Variants in KIRREL3 observed in about 807,000 individuals in gnomAD.
KIRREL3 encodes kin of IRRE-like protein 3.
KIRREL3 carries 36 observed loss-of-function variants against 89.7 expected under a neutral mutation model. That is an observed-to-expected ratio of 0.40 (90% CI 0.31 to 0.53). KIRREL3 has a LOEUF of 0.53. KIRREL3 is among the 20% of genes least tolerant of loss of function. The pLI is 0.49. For missense variants in KIRREL3, 864 were observed against 1,056.6 expected, an observed-to-expected ratio of 0.82 and a Z score of 2.53; for synonymous variants, 445 against 441.4, an observed-to-expected ratio of 1.01 and a Z score of -0.10.
rs1958546207 is a variant in KIRREL3, at chr11:126,520,358, C to A, written c.433+957G>T. Reference sequence around the variant, plus strand: ...GGGGGCAGCGAGGTGGGGCAGGTAGCCCTGGAGCCCTGGCCAGGAGCCCAT... The same window carrying A: ...GGGGGCAGCGAGGTGGGGCAGGTAGACCTGGAGCCCTGGCCAGGAGCCCAT... On this transcript the variant is annotated intron_variant, in intron 4 of 16. Coordinates refer to ENST00000525144, the MANE Select transcript of KIRREL3 (RefSeq NM_032531.4). This position sits in a 1 kb window ranked among gnomAD's most constrained non-coding sequence, Gnocchi z 4.9. Among the ~76,000 whole-genome samples, 1 of 152,142 alleles carries A rather than the reference C, an allele frequency of 6.6e-6. No individual in the cohort carries two copies. The highest frequency in any genetic ancestry group is 1.5e-5 in the Non-Finnish European group (1 of 68,028).
chr11:126,854,691 C>T (rs746460392), intron 1 of KIRREL3, among the ~76,000 whole-genome samples: 1 of 152,164 alleles, frequency 6.6e-6, no homozygotes, highest in Admixed American at 6.5e-5. Context: ...CACGGATGTA[C>T]GAACATCTGT....
rs201000548 is a variant in KIRREL3 at position 126,921,747 on chromosome 11, TTCTATCTATCTATCTATCTATCTA to T, written c.55+78684_55+78707del. On this transcript the variant is annotated intron_variant, in intron 1 of 16. Transcript: ENST00000525144. Reference sequence around the variant, plus strand: ...ATCTATCAATCTATCTATATCTGTCTTCTATCTATCTATCTATCTATCTATCTATCTATCTATCTATCTATCTTC... The same window carrying T: ...ATCTATCAATCTATCTATATCTGTCTTCTATCTATCTATCTATCTATCTTC... Among the ~76,000 whole-genome samples the T allele has an allele frequency of 4.0e-3, 538 of 134,984 alleles. 2 individuals carry two copies. Among genetic ancestry groups the T allele is most frequent in the African/African-American group, 0.014 (498 of 36,488 alleles). The allele number at this position is 134,984 out of a possible 152,430, so 88.6% of individuals were successfully genotyped here.
intron 1 of KIRREL3, among the ~76,000 whole-genome samples, chr11:126,829,251 T>C (rs538884765): frequency 6.6e-6 from 1 of 152,298 alleles, no homozygotes; most frequent in East Asian, 1.9e-4. Flanking sequence ...CAACAGGATC[T>C]GTCACGGGTG....
intron 5 of KIRREL3, among the ~76,000 whole-genome samples, chr11:126,472,729 A>AGAGAGAGAGAGAGAGAGC (rs1297311492): frequency 6.6e-6 from 1 of 151,680 alleles, no homozygotes; most frequent in Non-Finnish European, 1.5e-5. Flanking sequence ...AGAGAGAGAG[A>AGAGAGAGAGAGAGAGAGC]GAGCACAAGT....
rs10893548 is a variant in KIRREL3 at position 126,635,314 on chromosome 11, C to T, written c.56-72402G>A. Among the ~76,000 whole-genome samples, 29,764 of 152,190 alleles carry T rather than the reference C, an allele frequency of 0.2. 3,015 individuals are homozygous for T. The highest frequency in any genetic ancestry group is 0.32 in the East Asian group (1,668 of 5,166). On this transcript the variant is annotated intron_variant, in intron 1 of 16. Transcript: ENST00000525144. This position sits in a 1 kb window ranked among gnomAD's most constrained non-coding sequence, Gnocchi z 4.0. ...ACCCCTCCCAGTCCAGAGCAAATCACGGTCTCCATGTTTTTCCTCCCTGGT... is the reference window on the plus strand; with the variant it reads ...ACCCCTCCCAGTCCAGAGCAAATCATGGTCTCCATGTTTTTCCTCCCTGGT...
In KIRREL3 at chr11:126,463,257, G is replaced by A. The variant is rs750094006; in HGVS notation, c.642C>T (p.Ile214=). 2 of 1,613,988 alleles carry A rather than the reference G, an allele frequency of 1.2e-6. No individual in the cohort carries two copies. Among genetic ancestry groups the A allele is most frequent in the Non-Finnish European group, 1.7e-6 (2 of 1,179,866 alleles). ...GGCCATTCTCCACGTCACCAGGGGA[G>A]ATGAAGAGGGTGCTGACGATGCTCT... ...KRESIVSTLF[I]SPGDVENGQS... The change falls in exon 6 of 17, where the codon ATC becomes ATT. Residue 214 remains isoleucine (I), a synonymous_variant. Coordinates refer to ENST00000525144, the MANE Select transcript of KIRREL3 (RefSeq NM_032531.4). The surrounding 1 kb of genome is among the most constrained non-coding windows in gnomAD (Gnocchi z 5.9).
intron 1 of KIRREL3, among the ~76,000 whole-genome samples, chr11:126,803,657 A>C (rs1254903875): frequency 6.6e-6 from 1 of 152,074 alleles, no homozygotes; most frequent in Non-Finnish European, 1.5e-5. Context: ...CCACCCCAGA[A>C]TGATTGATCT....
At position 126,656,637 on chromosome 11, in the gene KIRREL3, C is replaced by T. The variant is rs532521881; in HGVS notation, c.56-93725G>A. Among the ~76,000 whole-genome samples the T allele has an allele frequency of 6.6e-6, 1 of 152,328 alleles. No homozygotes were observed. The highest frequency in any genetic ancestry group is 2.1e-4 in the South Asian group (1 of 4,826). On this transcript the variant is annotated intron_variant, in intron 1 of 16. Coordinates refer to ENST00000525144, the MANE Select transcript of KIRREL3 (RefSeq NM_032531.4). The surrounding 1 kb of genome is among the most constrained non-coding windows in gnomAD (Gnocchi z 4.0). Reference sequence around the variant, plus strand: ...ATCTTCATGCTTTTACCACCTTATACTGAGTAAGAAGATGAATTTGCACAG... The same window carrying T: ...ATCTTCATGCTTTTACCACCTTATATTGAGTAAGAAGATGAATTTGCACAG...
chr11:126,497,180 G>A (rs925958301), intron 4 of KIRREL3, among the ~76,000 whole-genome samples: 1 of 123,520 alleles, frequency 8.1e-6, no homozygotes, highest in Non-Finnish European at 1.6e-5. Flanking sequence ...GTAAGAGAGT[G>A]TGTGAGAGTG....
In KIRREL3 at chr11:126,568,686, A is replaced by G. The variant is rs1326228088; in HGVS notation, c.56-5774T>C. Among the ~76,000 whole-genome samples, 2 of 152,168 alleles carry G rather than the reference A, an allele frequency of 1.3e-5. No individual in the cohort carries two copies. The highest frequency in any genetic ancestry group is 6.5e-5 in the Admixed American group (1 of 15,274). Reference sequence around the variant, plus strand: ...CTGAGCTTTGGTTTCCTCATTTATAAAACGTTGATTCTAACGGTAAGACCC... The same window carrying G: ...CTGAGCTTTGGTTTCCTCATTTATAGAACGTTGATTCTAACGGTAAGACCC... On this transcript the variant is annotated intron_variant, in intron 1 of 16. Coordinates refer to ENST00000525144, the MANE Select transcript of KIRREL3 (RefSeq NM_032531.4). The surrounding 1 kb of genome is among the most constrained non-coding windows in gnomAD (Gnocchi z 4.6).
chr11:126,941,899 T>C (rs1948460511), intron 1 of KIRREL3, among the ~76,000 whole-genome samples: 1 of 152,198 alleles, frequency 6.6e-6, no homozygotes, highest in Non-Finnish European at 1.5e-5. Flanking sequence ...ATGCAAGCCA[T>C]CAACAAGTTC....
chr11:126,686,661 C>A lies in KIRREL3; in HGVS notation c.56-123749G>T, dbSNP rs1339158940. 6.6e-6 allele frequency among the ~76,000 whole-genome samples: 1 copy of A among 152,162 alleles called. No homozygotes were observed. The highest frequency in any genetic ancestry group is 2.4e-5 in the African/African-American group (1 of 41,422). The stretch of plus-strand genomic sequence containing the variant: ...GTGGCGTGATCTTGGCTCACTGCAA[C>A]CTCGGCCTCTCCAGTTCAAGCAGTT... On this transcript the variant is annotated intron_variant, in intron 1 of 16. Transcript: ENST00000525144. The surrounding 1 kb of genome is among the most constrained non-coding windows in gnomAD (Gnocchi z 4.7).
chr11:126,888,007 A>G (rs1945765686), intron 1 of KIRREL3, among the ~76,000 whole-genome samples: 1 of 152,218 alleles, frequency 6.6e-6, no homozygotes, highest in Non-Finnish European at 1.5e-5. Context: ...GTGGACATCA[A>G]TTCCTTTAAC....
chr11:126,785,994 C>A (rs1950477120), intron 1 of KIRREL3, among the ~76,000 whole-genome samples: 1 of 150,126 alleles, frequency 6.7e-6, no homozygotes, highest in African/African-American at 2.5e-5. Context: ...CCCTCTGGTG[C>A]AGTAAGTGAT....
At chr11:126,840,347 C>T (rs1357087610) in intron 1 of KIRREL3, among the ~76,000 whole-genome samples, 1 of 152,116 alleles carries the variant, frequency 6.6e-6, no homozygotes, top group Non-Finnish European at 1.5e-5. Context: ...CGCCCAGGGT[C>T]AAGTTTAAGG....
rs1449874525 is a variant in KIRREL3, at chr11:126,566,665, C to T, written c.56-3753G>A. Among the ~76,000 whole-genome samples the T allele has an allele frequency of 6.6e-6, 1 of 152,104 alleles. No individual in the cohort carries two copies. The highest frequency in any genetic ancestry group is 1.5e-5 in the Non-Finnish European group (1 of 68,008). Reference sequence around the variant, plus strand: ...TCCTGGGAGAAATAAAAGGGGATGGCTTTTTAAATGGGATGGGTTTTCTTC... The same window carrying T: ...TCCTGGGAGAAATAAAAGGGGATGGTTTTTTAAATGGGATGGGTTTTCTTC... On this transcript the variant is annotated intron_variant, in intron 1 of 16. Transcript: ENST00000525144. This position sits in a 1 kb window ranked among gnomAD's most constrained non-coding sequence, Gnocchi z 4.9.
rs907611424 is a variant in KIRREL3, at chr11:126,817,453, G to T, written c.55+183002C>A. On this transcript the variant is annotated intron_variant, in intron 1 of 16. Coordinates refer to ENST00000525144, the MANE Select transcript of KIRREL3 (RefSeq NM_032531.4). The surrounding 1 kb of genome is among the most constrained non-coding windows in gnomAD (Gnocchi z 5.7). ...TTCCTCATTGTGGGGGACAGAAGGG[G>T]ATGGTTTAGCAATATCCTCAGGCTT... is the stretch of plus-strand genomic sequence containing the variant. 2.0e-5 allele frequency among the ~76,000 whole-genome samples: 3 copies of T among 152,178 alleles called. No homozygotes were observed. The highest frequency in any genetic ancestry group is 2.9e-5 in the Non-Finnish European group (2 of 68,042).
intron 1 of KIRREL3, among the ~76,000 whole-genome samples, chr11:126,792,410 C>T (rs889480114): frequency 7.9e-5 from 12 of 152,118 alleles, no homozygotes; most frequent in Non-Finnish European, 1.0e-4. Flanking sequence ...TAATTTGCCC[C>T]AAGTCACACA....
At position 126,436,129 on chromosome 11, in the gene KIRREL3, G is replaced by A. The variant is rs1329385076; in HGVS notation, c.1552+682C>T. ...CAGGAGCTGGGACGTCAGCGCACGG[G>A]GGCACAGTGGGGTGAGGCTTGTTCC... On this transcript the variant is annotated intron_variant, in intron 12 of 16. Transcript: ENST00000525144. 3.3e-5 allele frequency among the ~76,000 whole-genome samples: 5 copies of A among 152,260 alleles called. No individual in the cohort carries two copies. The East Asian group carries it at 9.6e-4, about 29-fold the overall frequency.
Sources: allele counts gnomAD v4.1 joint callset (sites outside exome capture counted in the v4.1 genomes callset), GRCh38; gene constraint gnomAD v4.1.1; non-coding constraint Gnocchi (gnomAD v3.1); transcripts MANE v1.5; gene names NCBI Gene and HGNC (gene_info 2026-07-23, HGNC 2026-07-21).